The following FREM2 variants were observed in gnomAD, a reference collection of about 807,000 sequenced individuals.
FREM2 encodes the protein FRAS1 related extracellular matrix 2.
Under a neutral mutation model 219.9 loss-of-function variants are expected in FREM2, and 119 were observed. The ratio of observed to expected loss-of-function variants is 0.54; its 90% confidence interval spans 0.47 to 0.63. The LOEUF is 0.63. Ranked by LOEUF, FREM2 falls within the 30% of genes least tolerant of loss-of-function variation. The pLI is 0.00. For missense variants in FREM2, 4,030 were observed against 3,993.6 expected, an observed-to-expected ratio of 1.01 and a Z score of -0.25; for synonymous variants, 1,562 against 1,522.8, an observed-to-expected ratio of 1.03 and a Z score of -0.60.
chr13:38,796,927 C>G (rs937208287), intron 6 of FREM2, among the ~76,000 whole-genome samples: 3 of 151,902 alleles, frequency 2.0e-5, no homozygotes, highest in African/African-American at 7.3e-5. Flanking sequence ...GTTTCACAAG[C>G]TGGAGTGCAG....
chr13:38,858,347 C>A (rs1199859625), intron 13 of FREM2, among the ~76,000 whole-genome samples: 3 of 152,030 alleles, frequency 2.0e-5, no homozygotes, highest in Non-Finnish European at 4.4e-5. Context: ...ATTGGTAACT[C>A]TAATATAAGG....
intron 3 of FREM2, among the ~76,000 whole-genome samples, chr13:38,766,271 T>C (rs1873430918): frequency 6.6e-6 from 1 of 152,156 alleles, no homozygotes; most frequent in Non-Finnish European, 1.5e-5. Flanking sequence ...AGAGCTCTTT[T>C]TGTTGTTATT....
chr13:38,730,156 C>T (rs1239963870), intron 2 of FREM2, among the ~76,000 whole-genome samples: 1 of 152,158 alleles, frequency 6.6e-6, no homozygotes, highest in Non-Finnish European at 1.5e-5. Flanking sequence ...CACGGTAGCA[C>T]TGTGTCTAGA....
chr13:38,875,992 TC>T, intron 18 of FREM2, 29 bp from the exon 19 acceptor site: 1 of 1,590,082 alleles, frequency 6.3e-7, no homozygotes, highest in Non-Finnish European at 8.6e-7. Flanking sequence ...AACCACTATA[TC>T]ATTATTATAA....
At chr13:38,748,224 G>A (rs372966324) in intron 2 of FREM2, among the ~76,000 whole-genome samples, 2 of 152,306 alleles carry the variant, frequency 1.3e-5, no homozygotes, top group African/African-American at 4.8e-5. Flanking sequence ...TATACCAGTA[G>A]TCAGTTGTGT....
intron 6 of FREM2, among the ~76,000 whole-genome samples, chr13:38,813,516 CT>C (rs1323427767): frequency 4.7e-4 from 4 of 8,522 alleles, no homozygotes; most frequent in African/African-American, 1.2e-3. Flanking sequence ...CTCTCTCTCT[CT>C]CCTCTCTCTC....
chr13:38,763,050 G>T (rs2496400), intron 2 of FREM2, among the ~76,000 whole-genome samples: 13,359 of 152,114 alleles, frequency 0.088, 616 homozygotes, highest in South Asian at 0.17. Flanking sequence ...TTCTCTTAAA[G>T]CAAAAATCCC....
At chr13:38,820,512 G>A (rs892204226) in intron 6 of FREM2, among the ~76,000 whole-genome samples, 7 of 151,990 alleles carry the variant, frequency 4.6e-5, no homozygotes, top group Non-Finnish European at 1.0e-4. Flanking sequence ...ATAAATCTGA[G>A]AAGCAGCTTC....
intron 4 of FREM2, among the ~76,000 whole-genome samples, chr13:38,777,553 T>TG (rs1306122749): frequency 6.6e-6 from 1 of 152,186 alleles, no homozygotes; most frequent in Non-Finnish European, 1.5e-5. Context: ...CAAAGGTTGT[T>TG]GCAAGGATAA....
At position 38,877,134 on chromosome 13, in the gene FREM2, T is replaced by C. The variant is rs1451739694; in HGVS notation, c.8562T>C (p.Ala2854=). The change falls in exon 21 of 24, where the codon GCT becomes GCC. Residue 2854 remains alanine, a synonymous_variant. Coordinates refer to ENST00000280481, the MANE Select transcript of FREM2 (RefSeq NM_207361.6). ...GGTTTTAGGTCAGTGATCCAGTGGC[T>C]GCTGAGTTTAGCTTGAACACCCAAA... is the stretch of plus-strand genomic sequence containing the variant. ...IRFQQVSDPV[A]AEFSLNTQMY... 6.2e-7 allele frequency: 1 copy of C among 1,614,156 alleles called. No homozygotes were observed. Among genetic ancestry groups the C allele is most frequent in the East Asian group, 2.2e-5 (1 of 44,874 alleles).
chr13:38,801,616 T>C (rs1381208297), intron 6 of FREM2, among the ~76,000 whole-genome samples: 3 of 152,180 alleles, frequency 2.0e-5, no homozygotes, highest in Admixed American at 6.5e-5. Flanking sequence ...CCATGGTATC[T>C]GTGATTTTCT....
At chr13:38,754,901 G>GATGATGATGATTATTATT (rs56270131) in intron 2 of FREM2, among the ~76,000 whole-genome samples, 33 of 128,664 alleles carry the variant, frequency 2.6e-4, no homozygotes, top group South Asian at 8.6e-4. Flanking sequence ...TGATGATGAT[G>GATGATGATGATTATTATT]ATTATTATTA....
intron 2 of FREM2, among the ~76,000 whole-genome samples, chr13:38,718,862 G>T (rs909546896): frequency 4.6e-5 from 7 of 152,102 alleles, no homozygotes; most frequent in African/African-American, 1.4e-4. Context: ...ACTTTACCCT[G>T]GTCACTCATT....
chr13:38,727,512 A>G (rs769259218), intron 2 of FREM2, among the ~76,000 whole-genome samples: 1 of 152,200 alleles, frequency 6.6e-6, no homozygotes, highest in Non-Finnish European at 1.5e-5. Context: ...AACAAAAACC[A>G]GATCAACATT....
intron 16 of FREM2, among the ~76,000 whole-genome samples, chr13:38,865,221 A>T (rs1877918781): frequency 1.3e-5 from 2 of 152,092 alleles, no homozygotes; most frequent in African/African-American, 4.8e-5. Flanking sequence ...ACAGTTACTG[A>T]TTCTTCTTCA....
intron 6 of FREM2, among the ~76,000 whole-genome samples, chr13:38,838,214 T>A (rs1876798431): frequency 6.6e-6 from 1 of 152,192 alleles, no homozygotes; most frequent in Admixed American, 6.5e-5. Flanking sequence ...CTCCTTCACT[T>A]ATGAAGCTTA....
intron 11 of FREM2, among the ~76,000 whole-genome samples, chr13:38,855,239 C>T (rs1007239980): frequency 4.6e-5 from 7 of 151,990 alleles, no homozygotes; most frequent in African/African-American, 1.7e-4. Flanking sequence ...TAGCATTTAT[C>T]TAAAATAACT....
At chr13:38,880,217 C>A in intron 23 of FREM2, 67 bp from the exon 24 acceptor site, 2 of 1,479,180 alleles carry the variant, frequency 1.4e-6, no homozygotes, top group South Asian at 2.3e-5. Context: ...ATTTCTCTTG[C>A]AAAGAGTCGT....
rs1006534470 is a variant in FREM2 at position 38,724,619 on chromosome 13, T to G, written c.5263+26832T>G. On this transcript the variant is annotated intron_variant, in intron 2 of 23. Coordinates refer to ENST00000280481, the MANE Select transcript of FREM2 (RefSeq NM_207361.6). ...AGTTATTTAAAAAAATTGAAATTTG[T>G]TTAAACAAAAAAGTAAATTTATTTG... is the stretch of plus-strand genomic sequence containing the variant. Among the ~76,000 whole-genome samples, 22 of 152,322 alleles carry G rather than the reference T, an allele frequency of 1.4e-4. No homozygotes were observed. The South Asian group carries it at 1.7e-3, about 11-fold the overall frequency.
Sources: allele counts gnomAD v4.1 joint callset (sites outside exome capture counted in the v4.1 genomes callset), GRCh38; gene constraint gnomAD v4.1.1; transcripts MANE v1.5; gene names NCBI Gene and HGNC (gene_info 2026-07-23, HGNC 2026-07-21).